Variants in ASNS observed in about 807,000 individuals in gnomAD.
ASNS encodes asparagine synthetase (glutamine-hydrolyzing).
A neutral mutation model predicts 62.6 loss-of-function variants in ASNS; 37 were observed. The observed-to-expected ratio is 0.59, with a 90% CI of 0.45 to 0.78. The LOEUF (loss-of-function observed/expected upper bound fraction) is 0.78. Among genes scored for constraint, ASNS ranks in the 30% least tolerant of loss-of-function variants. The pLI is 0.00. For synonymous variants in ASNS, 207 were observed against 237.9 expected (o/e 0.87, Z 1.19); for missense variants, 520 against 682.4 (o/e 0.76, Z 2.65).
chr7:97,875,968 T>C (rs1792430052), upstream of ASNS, among the ~76,000 whole-genome samples: 1 of 152,012 alleles, frequency 6.6e-6, no homozygotes, highest in Non-Finnish European at 1.5e-5. Context: ...GTGATTTTCA[T>C]GCATCAGCCT....
the ASNS span, among the ~76,000 whole-genome samples, chr7:97,918,968 G>T: frequency 5.3e-5 from 8 of 152,126 alleles, no homozygotes; most frequent in African/African-American, 7.2e-5. Flanking sequence ...AAAGAAAAAG[G>T]TGTGGAGAGG....
At chr7:97,889,918 T>A in the ASNS span, among the ~76,000 whole-genome samples, 3 of 10,896 alleles carry the variant, frequency 2.8e-4, no homozygotes, top group East Asian at 3.0e-3. Context: ...AGAACACAGA[T>A]AATGAATACA....
chr7:97,877,108 T>C (rs1260103743), upstream of ASNS, among the ~76,000 whole-genome samples: 1 of 151,448 alleles, frequency 6.6e-6, no homozygotes, highest in Non-Finnish European at 1.5e-5. Flanking sequence ...TTTTTTTTTT[T>C]TTTTGAGATG....
the ASNS span, among the ~76,000 whole-genome samples, chr7:97,910,164 G>A: frequency 1.3e-5 from 2 of 152,216 alleles, no homozygotes; most frequent in African/African-American, 2.4e-5. Context: ...CTGGCTGCAT[G>A]AGATCAGCTG....
In ASNS at chr7:97,858,921, C is replaced by A. The variant is rs1285613756; in HGVS notation, c.708G>T (p.Arg236Ser). The A allele has an allele frequency of 6.2e-7, 1 of 1,613,594 alleles. No homozygotes were observed. Among genetic ancestry groups the A allele is most frequent in the Non-Finnish European group, 8.5e-7 (1 of 1,179,924 alleles). The change falls in exon 6 of 13, where the codon AGG becomes AGT. Residue 236 changes from arginine to serine, a missense_variant. Physicochemically the swap from Arg to Ser is moderately radical, Grantham distance 110. Coordinates refer to ENST00000394308, the MANE Select transcript of ASNS (RefSeq NM_001673.5). ...TCTTTACAGCATTATTAAAAAGGATCCTGAGGTTGTTCTTCACAGTTTCTA... is the reference window on the plus strand; with the variant it reads ...TCTTTACAGCATTATTAAAAAGGATACTGAGGTTGTTCTTCACAGTTTCTA... ...FEIETVKNNL[R>S]ILFNNAVKKR...
chr7:97,853,490 T>C (rs1791286173), intron 10 of ASNS, 104 bp from the exon 11 acceptor site: 1 of 965,640 alleles, frequency 1.0e-6, no homozygotes, highest in Admixed American at 2.1e-5. Context: ...TCTTAAGAAA[T>C]GTTAAGGTCA....
At chr7:97,920,410 C>A in the ASNS span, among the ~76,000 whole-genome samples, 1 of 152,166 alleles carries the variant, frequency 6.6e-6, no homozygotes, top group Middle Eastern at 3.4e-3. Context: ...CCCCAATGCC[C>A]CCCGGCCCTG....
intron 4 of ASNS, among the ~76,000 whole-genome samples, chr7:97,860,074 A>T (rs993718110): frequency 6.6e-6 from 1 of 152,182 alleles, no homozygotes; most frequent in African/African-American, 2.4e-5. Flanking sequence ...AATACTCGTG[A>T]TTTACAATTT....
chr7:97,913,835 G>A, the ASNS span, among the ~76,000 whole-genome samples: 6 of 150,970 alleles, frequency 4.0e-5, no homozygotes, highest in African/African-American at 1.5e-4. Context: ...TGGGTGGATA[G>A]ATTGGTGGAT....
At chr7:97,894,025 T>C in the ASNS span, among the ~76,000 whole-genome samples, 3 of 152,272 alleles carry the variant, frequency 2.0e-5, no homozygotes, top group African/African-American at 7.2e-5. Context: ...ATATCAAGTA[T>C]CTTCTCAGAC....
chr7:97,891,804 G>A, the ASNS span, among the ~76,000 whole-genome samples: 3 of 152,180 alleles, frequency 2.0e-5, no homozygotes, highest in Admixed American at 2.0e-4. Flanking sequence ...CACTCCTGTG[G>A]GTTTAAACCC....
the ASNS span, among the ~76,000 whole-genome samples, chr7:97,921,281 T>C: frequency 3.6e-4 from 55 of 152,294 alleles, no homozygotes; most frequent in Non-Finnish European, 5.3e-4. Flanking sequence ...ACTGTCGGGG[T>C]ACAAAGATAA....
At chr7:97,915,248 C>A in the ASNS span, among the ~76,000 whole-genome samples, 1 of 152,186 alleles carries the variant, frequency 6.6e-6, no homozygotes, top group South Asian at 2.1e-4. Flanking sequence ...TCTCTCACTC[C>A]TGCTGTTGGA....
the ASNS span, among the ~76,000 whole-genome samples, chr7:97,905,174 G>C: frequency 6.6e-6 from 1 of 152,146 alleles, no homozygotes. Context: ...TCATGCAACT[G>C]TTCACCTCTC....
At chr7:97,920,052 G>A in the ASNS span, among the ~76,000 whole-genome samples, 1 of 150,886 alleles carries the variant, frequency 6.6e-6, no homozygotes, top group South Asian at 2.1e-4. Context: ...CTGTTGCCCA[G>A]GCTGGAGTAC....
At position 97,861,043 on chromosome 7, in the gene ASNS, G is replaced by T. The variant is rs542091994; in HGVS notation, c.488-1645C>A. On this transcript the variant is annotated intron_variant, in intron 4 of 12. Coordinates refer to ENST00000394308, the MANE Select transcript of ASNS (RefSeq NM_001673.5). Reference sequence around the variant, plus strand: ...TGATCCTTTTTTTTTTTTTTTTTGAGATGAGTCTCGCTCTGTCACTCAGGC... The same window carrying T: ...TGATCCTTTTTTTTTTTTTTTTTGATATGAGTCTCGCTCTGTCACTCAGGC... Among the ~76,000 whole-genome samples, 260 of 49,514 alleles carry T rather than the reference G, an allele frequency of 5.3e-3. 1 individual carries two copies. The highest frequency in any genetic ancestry group is 0.042 in the African/African-American group (235 of 5,612). The allele number at this position is 49,514 out of a possible 152,430, so 32.5% of individuals were successfully genotyped here. A position where few individuals can be genotyped will look rare whatever the true frequency, so the allele number is the denominator to read the frequency against.
the ASNS span, among the ~76,000 whole-genome samples, chr7:97,917,136 T>G: frequency 6.7e-6 from 1 of 149,872 alleles, no homozygotes; most frequent in East Asian, 2.0e-4. Flanking sequence ...AGGATGCCAG[T>G]TAAACTTGAA....
chr7:97,889,225 C>T, the ASNS span, among the ~76,000 whole-genome samples: 17 of 152,142 alleles, frequency 1.1e-4, no homozygotes, highest in Admixed American at 9.8e-4. Flanking sequence ...CCTCCAATAA[C>T]AACTACAGTC....
At chr7:97,899,083 C>T in the ASNS span, 3 of 527,828 alleles carry the variant, frequency 5.7e-6, no homozygotes, top group East Asian at 3.2e-5. Flanking sequence ...TCCCTTTTTG[C>T]CACCTTTCAT....
Sources: allele counts gnomAD v4.1 joint callset (sites outside exome capture counted in the v4.1 genomes callset), GRCh38; gene constraint gnomAD v4.1.1; transcripts MANE v1.5; gene names NCBI Gene and HGNC (gene_info 2026-07-23, HGNC 2026-07-21).